RGS10: variants seen among roughly 807,000 people sequenced by gnomAD.
The protein encoded by RGS10 is regulator of G protein signaling 10.
Under a neutral mutation model 23.5 loss-of-function variants are expected in RGS10, and 11 were observed. That is an observed-to-expected ratio of 0.47 (90% CI 0.29 to 0.77). The LOEUF is 0.77. Among genes scored for constraint, RGS10 ranks in the 30% least tolerant of loss-of-function variants. RGS10 has a pLI of 0.08. For missense variants in RGS10, 180 were observed against 226.3 expected (o/e 0.80, Z 1.31); for synonymous variants, 77 against 83.2 (o/e 0.92, Z 0.41).
At chr10:119,507,544 G>A (rs1032128901) in intron 4 of RGS10, among the ~76,000 whole-genome samples, 1 of 148,628 alleles carries the variant, frequency 6.7e-6, no homozygotes, top group Non-Finnish European at 1.5e-5. Flanking sequence ...TCTCTGTCAA[G>A]GATGTGGCTG....
intron 1 of RGS10, among the ~76,000 whole-genome samples, chr10:119,529,941 A>C (rs1844315825): frequency 6.6e-6 from 1 of 151,914 alleles, no homozygotes; most frequent in Non-Finnish European, 1.5e-5. Flanking sequence ...AAAATACAAA[A>C]ATTTGCTGGG....
At chr10:119,533,948 A>C (rs921197824) in intron 1 of RGS10, among the ~76,000 whole-genome samples, 5 of 152,160 alleles carry the variant, frequency 3.3e-5, no homozygotes, top group Non-Finnish European at 5.9e-5. Flanking sequence ...TCATTAGCTA[A>C]TAATAATGGT....
chr10:119,527,207 C>T lies in RGS10; in HGVS notation c.168+99G>A, dbSNP rs908780034. The T allele has an allele frequency of 9.9e-6, 8 of 804,210 alleles. No homozygotes were observed. The highest frequency in any genetic ancestry group is 7.8e-5 in the East Asian group (3 of 38,506). The allele number at this position is 804,210 out of a possible 1,614,324, so 49.8% of individuals were successfully genotyped here. A position where few individuals can be genotyped will look rare whatever the true frequency, so the allele number is the denominator to read the frequency against. On this transcript the variant is annotated intron_variant, in intron 2 of 4. Coordinates refer to ENST00000369103, the MANE Select transcript of RGS10 (RefSeq NM_001005339.2). This position sits in a 1 kb window ranked among gnomAD's most constrained non-coding sequence, Gnocchi z 4.2. ...TCTCAAGCTGGCATAGAGAGTGCTA[C>T]GCTGACAGACAATGTTGAACTGGCC...
At chr10:119,503,148 C>T (rs552853867) in intron 4 of RGS10, among the ~76,000 whole-genome samples, 7 of 151,906 alleles carry the variant, frequency 4.6e-5, no homozygotes, top group Admixed American at 3.3e-4. Context: ...GAGGCTGAGG[C>T]GGGCGGATAG....
chr10:119,512,631 T>G (rs933333449), intron 4 of RGS10, among the ~76,000 whole-genome samples: 2 of 152,160 alleles, frequency 1.3e-5, no homozygotes, highest in African/African-American at 4.8e-5. Context: ...CAGTGCAGCC[T>G]CAGCCTCCCA....
chr10:119,513,998 T>C (rs2133949526), intron 4 of RGS10, among the ~76,000 whole-genome samples: 1 of 152,272 alleles, frequency 6.6e-6, no homozygotes, highest in African/African-American at 2.4e-5. Context: ...ATAATAACAC[T>C]CATTGGAGAT....
At chr10:119,510,287 C>T (rs1208656611) in intron 4 of RGS10, among the ~76,000 whole-genome samples, 1 of 152,188 alleles carries the variant, frequency 6.6e-6, no homozygotes, top group East Asian at 1.9e-4. Context: ...ACTGAACTTT[C>T]ACCACCCCCT....
At chr10:119,512,372 C>T (rs1056524318) in intron 4 of RGS10, among the ~76,000 whole-genome samples, 5 of 152,080 alleles carry the variant, frequency 3.3e-5, no homozygotes, top group African/African-American at 1.2e-4. Flanking sequence ...ATGCTGAGCA[C>T]GCATTTTGAC....
chr10:119,501,877 C>G (rs11198979), intron 4 of RGS10, among the ~76,000 whole-genome samples: 5,845 of 152,288 alleles, frequency 0.038, 236 homozygotes, highest in East Asian at 0.2. Flanking sequence ...GCTTCAACCA[C>G]AGCAGAACTG....
chr10:119,522,895 T>G (rs1427116992), intron 3 of RGS10, among the ~76,000 whole-genome samples: 1 of 151,906 alleles, frequency 6.6e-6, no homozygotes, highest in East Asian at 1.9e-4. Flanking sequence ...TTTTTTTTGT[T>G]GAGACAGGGT....
intron 3 of RGS10, among the ~76,000 whole-genome samples, chr10:119,525,096 A>T (rs1435248624): frequency 1.3e-5 from 2 of 152,202 alleles, no homozygotes; most frequent in Non-Finnish European, 2.9e-5. Flanking sequence ...TCCAACATTT[A>T]AAAATCATCT....
chr10:119,522,710 C>T (rs1365926657), intron 3 of RGS10, among the ~76,000 whole-genome samples: 1 of 134,252 alleles, frequency 7.4e-6, no homozygotes, highest in African/African-American at 2.8e-5. Context: ...AAGAGCGAAA[C>T]TCCGTCTCAA....
intron 3 of RGS10, among the ~76,000 whole-genome samples, chr10:119,515,966 C>T (rs1844138173): frequency 6.6e-6 from 1 of 152,186 alleles, no homozygotes; most frequent in African/African-American, 2.4e-5. Context: ...TACAGCCATC[C>T]TGTGGCCGGG....
intron 3 of RGS10, among the ~76,000 whole-genome samples, chr10:119,520,949 A>G (rs1475970349): frequency 6.6e-6 from 1 of 152,214 alleles, no homozygotes; most frequent in Non-Finnish European, 1.5e-5. Flanking sequence ...GATAACAATA[A>G]CAACATAAGA....
chr10:119,526,841 A>G (rs1844281318), intron 2 of RGS10, among the ~76,000 whole-genome samples: 1 of 151,064 alleles, frequency 6.6e-6, no homozygotes, highest in African/African-American at 2.4e-5. Flanking sequence ...CAGAAAAGCT[A>G]TTTCTAGATG....
intron 4 of RGS10, among the ~76,000 whole-genome samples, chr10:119,510,963 C>T (rs1207488886): frequency 6.6e-6 from 1 of 152,138 alleles, no homozygotes; most frequent in Non-Finnish European, 1.5e-5. Context: ...TGTGATCTGC[C>T]CGCCTCGGCC....
In RGS10 at chr10:119,527,234, A is replaced by G; in HGVS notation, c.168+72T>C. On this transcript the variant is annotated intron_variant, in intron 2 of 4. Coordinates refer to ENST00000369103, the MANE Select transcript of RGS10 (RefSeq NM_001005339.2). The surrounding 1 kb of genome is among the most constrained non-coding windows in gnomAD (Gnocchi z 4.2). ...CTGACAGACAATGTTGAACTGGCCT[A>G]TTTCTCCCCTGTGTGCATCTGAACT... The G allele has an allele frequency of 9.0e-7, 1 of 1,105,050 alleles. No homozygotes were observed. Among genetic ancestry groups the G allele is most frequent in the Non-Finnish European group, 1.4e-6 (1 of 735,808 alleles). The allele number at this position is 1,105,050 out of a possible 1,614,324, so 68.5% of individuals were successfully genotyped here. A position where few individuals can be genotyped will look rare whatever the true frequency, so the allele number is the denominator to read the frequency against.
At chr10:119,536,854 A>G (rs2277266) in intron 1 of RGS10, among the ~76,000 whole-genome samples, 12 of 151,986 alleles carry the variant, frequency 7.9e-5, no homozygotes, top group Non-Finnish European at 1.8e-4. Context: ...AGCTGCCCTC[A>G]CCCTCCTACT....
At chr10:119,526,202 TTTG>T (rs1172368162) in intron 2 of RGS10, 84 bp from the exon 3 acceptor site, 11 of 704,746 alleles carry the variant, frequency 1.6e-5, no homozygotes, top group Non-Finnish European at 2.5e-5. Context: ...CAAAGACTGA[TTTG>T]GCAAAATTCA....
Sources: allele counts gnomAD v4.1 joint callset (sites outside exome capture counted in the v4.1 genomes callset), GRCh38; gene constraint gnomAD v4.1.1; non-coding constraint Gnocchi (gnomAD v3.1); transcripts MANE v1.5; gene names NCBI Gene and HGNC (gene_info 2026-07-23, HGNC 2026-07-21).